The following HMX1 variants were observed in gnomAD, a reference collection of about 807,000 sequenced individuals.
The protein encoded by HMX1 is homeobox protein HMX1.
HMX1 carries 8 observed loss-of-function variants against 8.9 expected under a neutral mutation model. The observed-to-expected ratio is 0.90, with a 90% confidence interval of 0.53 to 1.63. HMX1 has a LOEUF of 1.63. Among genes scored for constraint, HMX1 ranks in the 40% most tolerant of loss-of-function variants. The pLI is 0.00. For synonymous variants in HMX1, 311 were observed against 283.4 expected (o/e 1.10, Z -0.98); for missense variants, 621 against 558.5 (o/e 1.11, Z -1.13).
intron 1 of HMX1, chr4:8,860,696 C>G (rs562174354): frequency 6.6e-6 from 1 of 152,458 alleles, no homozygotes; most frequent in African/African-American, 2.4e-5. Context: ...GTTAACACCG[C>G]TTCCTTCCAG....
In HMX1 at chr4:8,849,256, T is replaced by A. The variant is rs184613943; in HGVS notation, c.395-2932A>T. Among the ~76,000 whole-genome samples the A allele has an allele frequency of 3.9e-4, 59 of 151,250 alleles. No individual in the cohort carries two copies. Among genetic ancestry groups the A allele is most frequent in the Admixed American group, 1.1e-3 (17 of 15,202 alleles). On this transcript the variant is annotated intron_variant, in intron 1 of 1. Coordinates refer to the HMX1 transcript ENST00000506970. The surrounding 1 kb of genome is among the most constrained non-coding windows in gnomAD (Gnocchi z 6.6). ...GACCGGCAGCACCCCAGAACGGGAG[T>A]TTATTTGGAAATAGGGTCTTCCTGA...
In HMX1 at chr4:8,868,503, A is replaced by G. The variant is rs557012588; in HGVS notation, c.395-158T>C. On this transcript the variant is annotated intron_variant, in intron 1 of 1. Coordinates refer to ENST00000400677, the MANE Select transcript of HMX1 (RefSeq NM_018942.3). The surrounding 1 kb of genome is among the most constrained non-coding windows in gnomAD (Gnocchi z 4.6). Reference sequence around the variant, plus strand: ...ACCCAGCAGCTCTGGGGATGCACACATTGTCAGAACCGTGGGAGGCGGCCC... The same window carrying G: ...ACCCAGCAGCTCTGGGGATGCACACGTTGTCAGAACCGTGGGAGGCGGCCC... 2.6e-5 allele frequency among the ~76,000 whole-genome samples: 4 copies of G among 152,150 alleles called. No homozygotes were observed. Among genetic ancestry groups the G allele is most frequent in the African/African-American group, 9.6e-5 (4 of 41,508 alleles).
At chr4:8,858,267 A>T (rs919853218) in intron 1 of HMX1, among the ~76,000 whole-genome samples, 1 of 152,080 alleles carries the variant, frequency 6.6e-6, no homozygotes, top group Non-Finnish European at 1.5e-5. Context: ...GGAAAGGCGC[A>T]GCGGCGACCG....
At chr4:8,858,433 G>A (rs967718018) in intron 1 of HMX1, among the ~76,000 whole-genome samples, 4 of 152,216 alleles carry the variant, frequency 2.6e-5, no homozygotes, top group Admixed American at 6.5e-5. Context: ...GCGCGGCTGG[G>A]GATGCGCTTC....
At chr4:8,860,655 G>A (rs1385412096) in intron 1 of HMX1, 1 of 152,286 alleles carries the variant, frequency 6.6e-6, no homozygotes, top group Non-Finnish European at 1.5e-5. Context: ...CCACCTGCGC[G>A]CCTCGAGCTT....
At chr4:8,850,753 C>A (rs545751454) in intron 1 of HMX1, among the ~76,000 whole-genome samples, 1 of 152,306 alleles carries the variant, frequency 6.6e-6, no homozygotes, top group South Asian at 2.1e-4. Context: ...TGGGCGTCAC[C>A]ACTCCACTCA....
intron 1 of HMX1, among the ~76,000 whole-genome samples, chr4:8,869,515 T>G (rs1403834178): frequency 1.3e-5 from 2 of 152,242 alleles, no homozygotes; most frequent in African/African-American, 4.8e-5. Flanking sequence ...TTGCAGCATT[T>G]GCACGCTCAT....
In HMX1 at chr4:8,871,085, A is replaced by C; in HGVS notation, c.394+136T>G. 9.8e-7 allele frequency: 1 copy of C among 1,017,256 alleles called. No individual in the cohort carries two copies. Among genetic ancestry groups the C allele is most frequent in the Non-Finnish European group, 1.3e-6 (1 of 791,878 alleles). The allele number at this position is 1,017,256 out of a possible 1,614,324, so 63.0% of individuals were successfully genotyped here. On this transcript the variant is annotated intron_variant, in intron 1 of 1. Coordinates refer to ENST00000400677, the MANE Select transcript of HMX1 (RefSeq NM_018942.3). The surrounding 1 kb of genome is among the most constrained non-coding windows in gnomAD (Gnocchi z 4.8). ...AACCAGGGGCTCCTGGGGGCCCCACAAGGCCCAGACGCCGTTCCACAGAAG... is the reference window on the plus strand; with the variant it reads ...AACCAGGGGCTCCTGGGGGCCCCACCAGGCCCAGACGCCGTTCCACAGAAG...
At chr4:8,861,156 C>G (rs555858452) in intron 1 of HMX1, among the ~76,000 whole-genome samples, 3 of 152,172 alleles carry the variant, frequency 2.0e-5, no homozygotes, top group Non-Finnish European at 4.4e-5. Flanking sequence ...CGGGCAGCCC[C>G]GCGGGTCCGG....
At position 8,848,963 on chromosome 4, in the gene HMX1, C is replaced by A. The variant is rs1183485067; in HGVS notation, c.395-2639G>T. Among the ~76,000 whole-genome samples, 2 of 152,194 alleles carry A rather than the reference C, an allele frequency of 1.3e-5. No individual in the cohort carries two copies. Among genetic ancestry groups the A allele is most frequent in the Admixed American group, 1.3e-4 (2 of 15,282 alleles). On this transcript the variant is annotated intron_variant, in intron 1 of 1. Transcript: ENST00000506970. This position sits in a 1 kb window ranked among gnomAD's most constrained non-coding sequence, Gnocchi z 4.1. The stretch of plus-strand genomic sequence containing the variant: ...CTGTATCCAGCAGAGGGTAACCTGT[C>A]CAGCTCACGTTACCGCAGGAGCAAT...
intron 1 of HMX1, among the ~76,000 whole-genome samples, chr4:8,852,302 G>A (rs928860124): frequency 2.6e-5 from 4 of 152,246 alleles, no homozygotes; most frequent in Non-Finnish European, 5.9e-5. Context: ...GGAGCCGCCT[G>A]AAACCCAGGC....
At chr4:8,860,259 T>C (rs369986629) in intron 1 of HMX1, among the ~76,000 whole-genome samples, 3 of 152,262 alleles carry the variant, frequency 2.0e-5, no homozygotes, top group East Asian at 3.9e-4. Flanking sequence ...CTGGGACCGA[T>C]ATACTGCAGG....
rs190644374 is a variant in HMX1 at position 8,851,495 on chromosome 4, G to A, written c.395-5171C>T. Among the ~76,000 whole-genome samples, 10 of 152,262 alleles carry A rather than the reference G, an allele frequency of 6.6e-5. No homozygotes were observed. The South Asian group carries it at 8.3e-4, about 13-fold the overall frequency. ...GAGGTCTCATGGTTCATCACCGGTC[G>A]GGGCACCTTGTAAGCTCTGATGCCA... is the stretch of plus-strand genomic sequence containing the variant. On this transcript the variant is annotated intron_variant, in intron 1 of 1. Transcript: ENST00000506970.
intron 1 of HMX1, among the ~76,000 whole-genome samples, chr4:8,859,632 C>T (rs898070679): frequency 6.6e-6 from 1 of 152,214 alleles, no homozygotes; most frequent in Non-Finnish European, 1.5e-5. Context: ...GCTCAGCATC[C>T]TCATCTCCTC....
Position 8,867,748 on chromosome 4 carries a change from A to G in HMX1, c.992T>C (p.Phe331Ser). 1.6e-6 allele frequency: 2 copies of G among 1,289,616 alleles called. No individual in the cohort carries two copies. Among genetic ancestry groups the G allele is most frequent in the Non-Finnish European group, 2.0e-6 (2 of 1,022,138 alleles). The allele number at this position is 1,289,616 out of a possible 1,614,324, so 79.9% of individuals were successfully genotyped here. The part of the protein sequence containing the change: ...SGALAYPLAA[F>S]PAAASVPFLR... ...AAAGGGCACGGAGGCGGCGGCCGGG[A>G]AGGCGGCCAGCGGGTAGGCGAGGGC... is the stretch of plus-strand genomic sequence containing the variant. The change falls in exon 2 of 2, where the codon TTC becomes TCC. Residue 331 changes from phenylalanine (F) to serine (S), a missense_variant. Physicochemically the swap from Phe to Ser is radical, Grantham distance 155. Coordinates refer to ENST00000400677, the MANE Select transcript of HMX1 (RefSeq NM_018942.3).
chr4:8,867,868 G>C lies in HMX1; in HGVS notation c.872C>G (p.Pro291Arg), dbSNP rs746059506. 7 of 1,261,142 alleles carry C rather than the reference G, an allele frequency of 5.6e-6. No individual in the cohort carries two copies. In the South Asian group the frequency reaches 2.1e-4, roughly 37 times the overall value. 78.1% of individuals were successfully genotyped at this position (1,261,142 alleles called of 1,614,324 possible). Residue 291 changes from proline (P) to arginine (R), a missense_variant, in exon 2 of 2, where the codon CCG (proline) becomes CGG (arginine). Transcript: ENST00000400677. ...CGGGGGCCCAGCGGCGGCTGCGGCC[G>C]GGGGGCTTTCGTGGTAGAGCACCGG... ...RVPVLYHESP[P>R]AAAAAGPPAT...
At chr4:8,852,426 G>C (rs184116238) in intron 1 of HMX1, among the ~76,000 whole-genome samples, 1 of 152,208 alleles carries the variant, frequency 6.6e-6, no homozygotes, top group East Asian at 1.9e-4. Flanking sequence ...CAGAGAGGTC[G>C]GAAGCCTTGG....
rs539490551 is a variant in HMX1 at position 8,867,844 on chromosome 4, G to C, written c.896C>G (p.Pro299Arg). 8.9e-5 allele frequency: 110 copies of C among 1,235,202 alleles called. No individual in the cohort carries two copies. The South Asian group carries it at 3.4e-3, about 38-fold the overall frequency. The allele number at this position is 1,235,202 out of a possible 1,614,324, so 76.5% of individuals were successfully genotyped here. The change falls in exon 2 of 2, where the codon CCG becomes CGG. Residue 299 changes from proline to arginine, a missense_variant. Physicochemically the swap from Pro to Arg is moderately radical, Grantham distance 103. Coordinates refer to ENST00000400677, the MANE Select transcript of HMX1 (RefSeq NM_018942.3). ...CGCCAGCGGGAAGGGCAGGGTGGCC[G>C]GGGGCCCAGCGGCGGCTGCGGCCGG... ...SPPAAAAAGP[P>R]ATLPFPLAPA... is the part of the protein sequence containing the mutation.
chr4:8,858,910 C>G (rs1014086160), intron 1 of HMX1: 1 of 152,208 alleles, frequency 6.6e-6, no homozygotes, highest in Admixed American at 6.6e-5. Context: ...CTTCGTCACG[C>G]GGTGGTGGTG....
Sources: allele counts gnomAD v4.1 joint callset (sites outside exome capture counted in the v4.1 genomes callset), GRCh38; gene constraint gnomAD v4.1.1; non-coding constraint Gnocchi (gnomAD v3.1); transcripts MANE v1.5; gene names NCBI Gene and HGNC (gene_info 2026-07-23, HGNC 2026-07-21).